Variants in MICU2 observed in about 807,000 individuals in gnomAD.
The protein encoded by MICU2 is calcium uptake protein 2, mitochondrial.
Under a neutral mutation model 60.4 loss-of-function variants are expected in MICU2, and 64 were observed. The ratio of observed to expected loss-of-function variants is 1.06; its 90% CI spans 0.87 to 1.31. The LOEUF (loss-of-function observed/expected upper bound fraction) is 1.31, where lower values mean the gene tolerates loss of function less well. MICU2 is among the 50% of genes most tolerant of loss of function. The probability of loss-of-function intolerance (pLI) is 0.00; values close to 1 mark genes in which losing one functional copy is unlikely to be tolerated. For synonymous variants in MICU2, 201 were observed against 175.0 expected, an observed-to-expected ratio of 1.15 and a Z score of -1.17; for missense variants, 569 against 531.0, an observed-to-expected ratio of 1.07 and a Z score of -0.70.
chr13:21,550,132 G>T (rs563313488), intron 2 of MICU2, among the ~76,000 whole-genome samples: 2 of 152,172 alleles, frequency 1.3e-5, no homozygotes, highest in Non-Finnish European at 2.9e-5. Context: ...ACTTAATAAA[G>T]ACTTAAGGCA....
intron 2 of MICU2, among the ~76,000 whole-genome samples, chr13:21,544,595 C>T (rs570230519): frequency 7.3e-5 from 11 of 149,874 alleles, no homozygotes; most frequent in African/African-American, 2.7e-4. Context: ...ATCGTCTCAT[C>T]CCAGTTATGA....
At chr13:21,565,297 G>A (rs533038396) in intron 2 of MICU2, among the ~76,000 whole-genome samples, 2 of 152,160 alleles carry the variant, frequency 1.3e-5, no homozygotes, top group African/African-American at 2.4e-5. Context: ...GGAGGCCAAG[G>A]GGGGTGGATT....
chr13:21,496,244 C>T (rs768510979), intron 9 of MICU2, 84 bp from the exon 10 acceptor site: 74 of 969,990 alleles, frequency 7.6e-5, no homozygotes, highest in Non-Finnish European at 1.1e-4. Context: ...TCTTTTCTAC[C>T]GTAGAGACTA....
At chr13:21,563,319 G>C (rs994856304) in intron 2 of MICU2, among the ~76,000 whole-genome samples, 1 of 152,074 alleles carries the variant, frequency 6.6e-6, no homozygotes, top group Non-Finnish European at 1.5e-5. Context: ...GTCGGGCGTG[G>C]TGGCGGGCAC....
At position 21,493,097 on chromosome 13, in the gene MICU2, A is replaced by C. The variant is rs1044021; in HGVS notation, c.*152T>G. Reference sequence around the variant, plus strand: ...TACTTTTCTTTCTACTAAGTTCTTTAATAAAATTATGAATCAGAAAGCAAG... The same window carrying C: ...TACTTTTCTTTCTACTAAGTTCTTTCATAAAATTATGAATCAGAAAGCAAG... On this transcript the variant is annotated 3_prime_UTR_variant, in exon 12 of 12. Transcript: ENST00000382374. 0.52 allele frequency: 246,512 copies of C among 474,834 alleles called. 64,772 individuals are homozygous for C. Among genetic ancestry groups the C allele is most frequent in the Middle Eastern group, 0.58 (1,040 of 1,798 alleles). 29.4% of individuals were successfully genotyped at this position (474,834 alleles called of 1,614,324 possible). A position where few individuals can be genotyped will look rare whatever the true frequency, so the allele number is the denominator to read the frequency against.
chr13:21,511,319 G>C (rs900073083), intron 7 of MICU2, among the ~76,000 whole-genome samples: 1 of 152,146 alleles, frequency 6.6e-6, no homozygotes, highest in African/African-American at 2.4e-5. Flanking sequence ...GGTCTGGATA[G>C]AGCATGGGCA....
intron 2 of MICU2, among the ~76,000 whole-genome samples, chr13:21,560,930 T>C (rs1484855376): frequency 2.9e-4 from 44 of 152,224 alleles, no homozygotes; most frequent in Non-Finnish European, 1.5e-5. Flanking sequence ...TTCCACTTGG[T>C]CATCTAAACT....
At chr13:21,589,228 G>A (rs1002828858) in intron 1 of MICU2, among the ~76,000 whole-genome samples, 2 of 152,156 alleles carry the variant, frequency 1.3e-5, no homozygotes, top group African/African-American at 2.4e-5. Flanking sequence ...TTTACAGGAT[G>A]GCTAGAAAAG....
At chr13:21,602,446 C>G (rs1566174940) in intron 1 of MICU2, among the ~76,000 whole-genome samples, 1 of 151,912 alleles carries the variant, frequency 6.6e-6, no homozygotes, top group Non-Finnish European at 1.5e-5. Flanking sequence ...GGCGTGAACC[C>G]GGGAGGCGGA....
chr13:21,527,013 A>G (rs1886874835), intron 4 of MICU2, among the ~76,000 whole-genome samples: 1 of 152,214 alleles, frequency 6.6e-6, no homozygotes, highest in Non-Finnish European at 1.5e-5. Flanking sequence ...TGTTTTAACT[A>G]TAAGTAAATA....
At position 21,603,998 on chromosome 13, in the gene MICU2, AGGCCGCTCCTGCTCCTGCCAGG is replaced by A. The variant is rs2138085954; in HGVS notation, c.129_150del (p.Leu44GlyfsTer27). The A allele has an allele frequency of 9.3e-6, 15 of 1,611,496 alleles. No homozygotes were observed. The South Asian group carries it at 1.6e-4, about 18-fold the overall frequency. Reference sequence around the variant, plus strand: ...GCAACACTGACGCGGCTGTGGTGCCAGGCCGCTCCTGCTCCTGCCAGGGCCGCGCCGGCCACTGCCGCTGCCA... The same window carrying A: ...GCAACACTGACGCGGCTGTGGTGCCAGCCGCGCCGGCCACTGCCGCTGCCA... On this transcript the variant is annotated frameshift_variant, in exon 1 of 12. Coordinates refer to ENST00000382374, the MANE Select transcript of MICU2 (RefSeq NM_152726.3). LOFTEE classifies it high-confidence loss of function.
intron 7 of MICU2, among the ~76,000 whole-genome samples, chr13:21,511,661 T>C (rs890339382): frequency 5.9e-5 from 9 of 152,208 alleles, no homozygotes; most frequent in African/African-American, 1.7e-4. Flanking sequence ...GGATTCCTCA[T>C]GTTGCTTTTA....
intron 4 of MICU2, among the ~76,000 whole-genome samples, chr13:21,523,244 G>A (rs1245020633): frequency 6.6e-6 from 1 of 152,130 alleles, no homozygotes; most frequent in Non-Finnish European, 1.5e-5. Context: ...ATAATTGCAT[G>A]AGCCAATTCT....
chr13:21,545,898 A>G (rs903934492), intron 2 of MICU2, among the ~76,000 whole-genome samples: 1 of 152,226 alleles, frequency 6.6e-6, no homozygotes, highest in African/African-American at 2.4e-5. Flanking sequence ...AGGAAACTGA[A>G]TGTTCTCAAC....
At chr13:21,576,665 C>A (rs903447403) in intron 1 of MICU2, among the ~76,000 whole-genome samples, 1 of 152,088 alleles carries the variant, frequency 6.6e-6, no homozygotes, top group Non-Finnish European at 1.5e-5. Flanking sequence ...ACTTCCATAC[C>A]CCAGTCCTCA....
intron 4 of MICU2, chr13:21,531,266 A>G: frequency 2.0e-6 from 3 of 1,485,024 alleles, no homozygotes; most frequent in Non-Finnish European, 2.8e-6. Context: ...GATAGATTGG[A>G]AGATCCCTTC....
At chr13:21,539,445 C>T in intron 3 of MICU2, 68 bp from the exon 4 acceptor site, 1 of 1,436,050 alleles carries the variant, frequency 7.0e-7, no homozygotes, top group Non-Finnish European at 9.7e-7. Context: ...ACTACAGACG[C>T]CCACCTCCAT....
intron 4 of MICU2, among the ~76,000 whole-genome samples, chr13:21,535,046 G>A (rs560794075): frequency 1.3e-5 from 2 of 152,110 alleles, no homozygotes; most frequent in South Asian, 2.1e-4. Context: ...TCAGAAGCAC[G>A]GTATGCTTCT....
intron 2 of MICU2, among the ~76,000 whole-genome samples, chr13:21,565,029 A>G (rs1302493884): frequency 1.3e-5 from 2 of 152,186 alleles, no homozygotes; most frequent in African/African-American, 4.8e-5. Context: ...TTCAGTTTCC[A>G]GCTCAAGTGT....
Sources: allele counts gnomAD v4.1 joint callset (sites outside exome capture counted in the v4.1 genomes callset), GRCh38; gene constraint gnomAD v4.1.1; transcripts MANE v1.5; gene names NCBI Gene and HGNC (gene_info 2026-07-23, HGNC 2026-07-21).